The following KCNT2 variants were observed in gnomAD, a reference collection of about 807,000 sequenced individuals.
KCNT2 encodes the protein potassium sodium-activated channel subfamily T member 2, also known as potassium channel subfamily T member 2.
In KCNT2, 67 loss-of-function variants were observed where a neutral mutation model predicts 153.8. The observed-to-expected ratio is 0.44, with a 90% CI of 0.36 to 0.53. KCNT2 has a LOEUF of 0.53. Among genes scored for constraint, KCNT2 ranks in the 20% least tolerant of loss-of-function variants. The pLI, the probability that KCNT2 is intolerant of heterozygous loss-of-function variation, is 0.00. For synonymous variants in KCNT2, 500 were observed against 458.8 expected, an observed-to-expected ratio of 1.09 and a Z score of -1.15; for missense variants, 975 against 1,354.8, an observed-to-expected ratio of 0.72 and a Z score of 4.40.
chr1:196,450,702 C>T, intron 8 of KCNT2, among the ~76,000 whole-genome samples: 1 of 151,890 alleles, frequency 6.6e-6, no homozygotes, highest in East Asian at 1.9e-4. Flanking sequence ...TAACCTCTTT[C>T]CTGGAGTCCC....
chr1:196,470,316 GA>G (rs1677980033), intron 5 of KCNT2, among the ~76,000 whole-genome samples: 1 of 151,696 alleles, frequency 6.6e-6, no homozygotes. Flanking sequence ...AGAGATCAAA[GA>G]AAAAAAGGAT....
chr1:196,336,725 C>A (rs1665073876), intron 16 of KCNT2, among the ~76,000 whole-genome samples: 1 of 152,172 alleles, frequency 6.6e-6, no homozygotes, highest in South Asian at 2.1e-4. Context: ...TTGCTAAAGT[C>A]AATTGACACT....
At chr1:196,376,991 G>C (rs1669020834) in intron 13 of KCNT2, among the ~76,000 whole-genome samples, 1 of 151,914 alleles carries the variant, frequency 6.6e-6, no homozygotes, top group South Asian at 2.1e-4. Flanking sequence ...TGAATTGTAG[G>C]TCTTGTATGG....
chr1:196,323,812 C>G (rs528814987), intron 19 of KCNT2, among the ~76,000 whole-genome samples: 1 of 151,760 alleles, frequency 6.6e-6, no homozygotes, highest in Non-Finnish European at 1.5e-5. Context: ...ACCCTCAAAA[C>G]TAACTAATAA....
At chr1:196,237,917 G>T (rs1252665485) in intron 26 of KCNT2, among the ~76,000 whole-genome samples, 2 of 151,760 alleles carry the variant, frequency 1.3e-5, no homozygotes, top group Admixed American at 6.6e-5. Flanking sequence ...CATAAGAAAA[G>T]AAATTTTGAT....
At chr1:196,365,235 A>G (rs961608484) in intron 14 of KCNT2, among the ~76,000 whole-genome samples, 1 of 152,062 alleles carries the variant, frequency 6.6e-6, no homozygotes, top group Non-Finnish European at 1.5e-5. Context: ...TTTAATCTTT[A>G]TGTCTTCTGA....
intron 27 of KCNT2, among the ~76,000 whole-genome samples, chr1:196,230,888 G>T (rs1259822979): frequency 3.3e-5 from 5 of 152,012 alleles, no homozygotes; most frequent in African/African-American, 1.2e-4. Context: ...CAAAGTAGCA[G>T]CAGGGTTTGA....
chr1:196,302,545 G>C (rs981386029), intron 22 of KCNT2, among the ~76,000 whole-genome samples: 1 of 152,092 alleles, frequency 6.6e-6, no homozygotes, highest in African/African-American at 2.4e-5. Context: ...CTTGGCTTAT[G>C]GAAGACTATC....
chr1:196,557,964 T>C (rs756815868), intron 1 of KCNT2, among the ~76,000 whole-genome samples: 5 of 151,420 alleles, frequency 3.3e-5, no homozygotes, highest in Non-Finnish European at 5.9e-5. Context: ...TGTCCTTATG[T>C]AGCAAAATGT....
intron 22 of KCNT2, among the ~76,000 whole-genome samples, chr1:196,295,141 T>C (rs1211760929): frequency 6.6e-6 from 1 of 151,468 alleles, no homozygotes; most frequent in Non-Finnish European, 1.5e-5. Flanking sequence ...TATATATGTG[T>C]ATATATGTAT....
At chr1:196,447,413 G>A (rs567478614) in intron 8 of KCNT2, among the ~76,000 whole-genome samples, 1 of 151,550 alleles carries the variant, frequency 6.6e-6, no homozygotes, top group Non-Finnish European at 1.5e-5. Flanking sequence ...AAACCCACAC[G>A]TCAGGAATCA....
chr1:196,244,001 C>A (rs1051797582), intron 26 of KCNT2, among the ~76,000 whole-genome samples: 3 of 151,932 alleles, frequency 2.0e-5, no homozygotes, highest in Non-Finnish European at 4.4e-5. Flanking sequence ...GATACCAGCT[C>A]AGCCATAGTA....
intron 25 of KCNT2, among the ~76,000 whole-genome samples, chr1:196,263,763 G>A (rs894329182): frequency 6.6e-6 from 1 of 152,014 alleles, no homozygotes; most frequent in Non-Finnish European, 1.5e-5. Context: ...ATCAAACGAA[G>A]CACCTCTTTC....
chr1:196,399,814 A>T (rs541879339), intron 12 of KCNT2, among the ~76,000 whole-genome samples: 2 of 151,880 alleles, frequency 1.3e-5, no homozygotes, highest in African/African-American at 4.8e-5. Flanking sequence ...CATATAAAAG[A>T]CACCTGAGAG....
chr1:196,270,132 T>A (rs566636985), intron 25 of KCNT2, among the ~76,000 whole-genome samples: 1 of 152,126 alleles, frequency 6.6e-6, no homozygotes, highest in East Asian at 1.9e-4. Context: ...ATGCAAATTT[T>A]AAAAATAATA....
chr1:196,254,086 T>A (rs1353709132), intron 26 of KCNT2, among the ~76,000 whole-genome samples: 1 of 151,512 alleles, frequency 6.6e-6, no homozygotes, highest in Non-Finnish European at 1.5e-5. Context: ...AACAATTTAT[T>A]GCTCAAATAT....
chr1:196,385,258 C>T (rs1669867468), intron 13 of KCNT2, among the ~76,000 whole-genome samples: 1 of 152,104 alleles, frequency 6.6e-6, no homozygotes, highest in Admixed American at 6.6e-5. Context: ...ATCAGTTTGA[C>T]ATTCCAATCA....
At chr1:196,322,899 A>G (rs1405184966) in intron 19 of KCNT2, among the ~76,000 whole-genome samples, 1 of 151,832 alleles carries the variant, frequency 6.6e-6, no homozygotes, top group Non-Finnish European at 1.5e-5. Flanking sequence ...GGTTTTCATA[A>G]TCCGTCCATC....
intron 14 of KCNT2, among the ~76,000 whole-genome samples, chr1:196,361,568 C>G (rs1191562265): frequency 6.6e-6 from 1 of 152,008 alleles, no homozygotes; most frequent in African/African-American, 2.4e-5. Context: ...TAATAAGTAG[C>G]TACACTGTCT....
Sources: gnomAD v4.1 joint callset for allele counts (sites outside exome capture counted in the v4.1 genomes callset) on GRCh38, gnomAD v4.1.1 for gene constraint, MANE v1.5 for transcripts, NCBI Gene and HGNC (gene_info 2026-07-23, HGNC 2026-07-21) for gene names.